The following CCDC34 variants were observed in gnomAD, a reference collection of about 807,000 sequenced individuals.
CCDC34 encodes coiled-coil domain containing 34.
CCDC34 carries 40 observed loss-of-function variants against 44.1 expected under a neutral mutation model. The observed-to-expected ratio is 0.91, with a 90% confidence interval of 0.70 to 1.18. CCDC34 has a LOEUF of 1.18. Ranked by LOEUF, CCDC34 falls within the 50% of genes most tolerant of loss-of-function variation. The pLI is 0.00. For missense variants in CCDC34, 466 were observed against 452.3 expected (o/e 1.03, Z -0.28); for synonymous variants, 159 against 158.2 (o/e 1.01, Z -0.04).
At chr11:27,350,884 A>G (rs776276522) in intron 2 of CCDC34, among the ~76,000 whole-genome samples, 3 of 152,220 alleles carry the variant, frequency 2.0e-5, no homozygotes, top group Non-Finnish European at 4.4e-5. Context: ...TCAGTTACAC[A>G]AAAGAAATAC....
chr11:27,349,525 T>C, intron 3 of CCDC34: 1 of 930,286 alleles, frequency 1.1e-6, no homozygotes, highest in Non-Finnish European at 1.3e-6. Flanking sequence ...TGTCCTACAA[T>C]TTAAACATTT....
At chr11:27,339,056 G>C in intron 5 of CCDC34, 21 bp from the exon 6 acceptor site, 1 of 1,566,910 alleles carries the variant, frequency 6.4e-7, no homozygotes, top group Non-Finnish European at 8.7e-7. Context: ...TGAAAAATCA[G>C]ATCAAAACAA....
intron 3 of CCDC34, among the ~76,000 whole-genome samples, chr11:27,347,490 C>T (rs1157261637): frequency 6.6e-6 from 1 of 151,990 alleles, no homozygotes; most frequent in Non-Finnish European, 1.5e-5. Context: ...AACAGATAAA[C>T]AATTTCTATG....
intron 3 of CCDC34, among the ~76,000 whole-genome samples, chr11:27,343,538 T>C (rs1187143954): frequency 3.9e-5 from 6 of 152,114 alleles, no homozygotes; most frequent in African/African-American, 1.4e-4. Context: ...ATTGGAACAA[T>C]ACTGGATTTT....
intron 1 of CCDC34, among the ~76,000 whole-genome samples, chr11:27,358,825 C>T (rs1862616228): frequency 6.6e-6 from 1 of 152,084 alleles, no homozygotes; most frequent in Admixed American, 6.5e-5. Flanking sequence ...CTACCATCCA[C>T]CCACCACCCT....
Position 27,362,908 on chromosome 11 carries a change from A to G in CCDC34, c.287T>C (p.Val96Ala), listed in dbSNP as rs1157957531. The change falls in exon 1 of 6, where the codon GTG (valine) becomes GCG (alanine). Residue 96 changes from valine to alanine, a missense_variant. Val to Ala is a moderately conservative substitution (Grantham distance 64). Transcript: ENST00000328697. ...DEEDVDDEEDVDEDAHDSEAK... is the reference protein window; with the variant it reads ...DEEDVDDEEDADEDAHDSEAK... Reference sequence around the variant, plus strand: ...CTCTGAATCATGGGCATCTTCATCCACGTCTTCCTCATCATCCACGTCTTC... The same window carrying G: ...CTCTGAATCATGGGCATCTTCATCCGCGTCTTCCTCATCATCCACGTCTTC... 6.3e-7 allele frequency: 1 copy of G among 1,591,998 alleles called. No homozygotes were observed. The highest frequency in any genetic ancestry group is 8.5e-7 in the Non-Finnish European group (1 of 1,175,040).
At chr11:27,340,669 T>C (rs1862342187) in intron 5 of CCDC34, 27 bp downstream of exon 5, 3 of 1,583,542 alleles carry the variant, frequency 1.9e-6, no homozygotes, top group Non-Finnish European at 2.6e-6. Flanking sequence ...ACCATATTTA[T>C]GTAAGCCACA....
At chr11:27,348,655 G>A (rs1862465877) in intron 3 of CCDC34, among the ~76,000 whole-genome samples, 1 of 152,068 alleles carries the variant, frequency 6.6e-6, no homozygotes, top group Non-Finnish European at 1.5e-5. Context: ...AATGAAGCTG[G>A]AGGCAGCTGA....
Position 27,341,324 on chromosome 11 carries a change from C to G in CCDC34, c.765+68G>C, listed in dbSNP as rs1862354724. 6 of 930,418 alleles carry G rather than the reference C, an allele frequency of 6.4e-6. No homozygotes were observed. In the South Asian group the frequency reaches 1.0e-4, roughly 16 times the overall value. 57.6% of individuals were successfully genotyped at this position (930,418 alleles called of 1,614,324 possible). Reference sequence around the variant, plus strand: ...GCCAATTTTCTATTAGATACTTTTTCTAAGATATAGTTGACACATATGAAC... The same window carrying G: ...GCCAATTTTCTATTAGATACTTTTTGTAAGATATAGTTGACACATATGAAC... On this transcript the variant is annotated intron_variant, in intron 4 of 5. Transcript: ENST00000328697.
chr11:27,361,697 G>A (rs999293609), intron 1 of CCDC34, among the ~76,000 whole-genome samples: 2 of 152,042 alleles, frequency 1.3e-5, no homozygotes, highest in African/African-American at 4.8e-5. Context: ...ATGTATACGG[G>A]TTACTTCATA....
In CCDC34 at chr11:27,341,435, T is replaced by A. The variant is rs1351480098; in HGVS notation, c.722A>T (p.Lys241Met). The A allele has an allele frequency of 6.8e-7, 1 of 1,467,152 alleles. No individual in the cohort carries two copies. The allele number at this position is 1,467,152 out of a possible 1,614,324, so 90.9% of individuals were successfully genotyped here. ...CTCACATTCTTCAGCATTTTTTTTCTTTAACCATTCTTGATATTTTTCTTT... is the reference window on the plus strand; with the variant it reads ...CTCACATTCTTCAGCATTTTTTTTCATTAACCATTCTTGATATTTTTCTTT... The part of the protein sequence containing the change: ...KAKEKYQEWL[K>M]KKNAEECERK... Residue 241 changes from lysine (K) to methionine (M), a missense_variant, in exon 4 of 6, where the codon AAG becomes ATG. Transcript: ENST00000328697.
intron 2 of CCDC34, among the ~76,000 whole-genome samples, chr11:27,351,681 C>G (rs1862504654): frequency 6.6e-6 from 1 of 152,122 alleles, no homozygotes; most frequent in Admixed American, 6.5e-5. Flanking sequence ...ATCTGATTTT[C>G]TATACACTAA....
chr11:27,348,601 T>C lies in CCDC34; in HGVS notation c.606+1731A>G, dbSNP rs1590326024. ...TGATTTTTTGATAAAACACAGTGAA[T>C]ATGACTTAGAGAAAATAGCAGCCAC... On this transcript the variant is annotated intron_variant, in intron 3 of 5. Transcript: ENST00000328697. Among the ~76,000 whole-genome samples, 3 of 152,226 alleles carry C rather than the reference T, an allele frequency of 2.0e-5. No individual in the cohort carries two copies. In the Middle Eastern group the frequency reaches 0.01, roughly 518 times the overall value.
chr11:27,362,843 A>T lies in CCDC34; in HGVS notation c.352T>A (p.Cys118Ser). ...GGGCGGCCTCGGGTTTACCTGGCGCACCCCTGTAACTCCATTCCTCTCAGG... is the reference window on the plus strand; with the variant it reads ...GGGCGGCCTCGGGTTTACCTGGCGCTCCCCTGTAACTCCATTCCTCTCAGG... ...ASLRGMELQG[C>S]ASTQVESENN... The change falls in exon 1 of 6, where the codon TGC (cysteine) becomes AGC (serine). Residue 118 changes from cysteine (C) to serine (S), a missense_variant. Physicochemically the swap from Cys to Ser is moderately radical, Grantham distance 112. Transcript: ENST00000328697. 6.2e-7 allele frequency: 1 copy of T among 1,613,176 alleles called. No homozygotes were observed. Among genetic ancestry groups the T allele is most frequent in the Non-Finnish European group, 8.5e-7 (1 of 1,179,282 alleles).
At chr11:27,351,831 GA>G (rs1381321428) in intron 2 of CCDC34, among the ~76,000 whole-genome samples, 1 of 152,200 alleles carries the variant, frequency 6.6e-6, no homozygotes, top group Non-Finnish European at 1.5e-5. Flanking sequence ...AAGGAACAGT[GA>G]AAAGATGGCT....
chr11:27,357,160 C>A (rs1862590326), intron 2 of CCDC34, among the ~76,000 whole-genome samples: 1 of 152,078 alleles, frequency 6.6e-6, no homozygotes, highest in African/African-American at 2.4e-5. Flanking sequence ...TGATTATCTT[C>A]AGACAGTGAA....
intron 3 of CCDC34, among the ~76,000 whole-genome samples, chr11:27,343,114 G>T (rs1249462247): frequency 1.3e-5 from 2 of 152,122 alleles, no homozygotes; most frequent in African/African-American, 4.8e-5. Flanking sequence ...AAAAATCAAA[G>T]CTCAGGATGG....
intron 2 of CCDC34, among the ~76,000 whole-genome samples, chr11:27,354,078 G>A (rs1255885965): frequency 3.9e-5 from 6 of 152,238 alleles, no homozygotes; most frequent in South Asian, 2.1e-4. Context: ...AAAAGGCAGT[G>A]AAAGAATGTG....
At chr11:27,349,320 AC>A in intron 3 of CCDC34, 4 of 906,586 alleles carry the variant, frequency 4.4e-6, no homozygotes, top group South Asian at 5.1e-5. Flanking sequence ...TTTTAAAAAA[AC>A]AAAGTAATTG....
Sources: gnomAD v4.1 joint callset for allele counts (sites outside exome capture counted in the v4.1 genomes callset) on GRCh38, gnomAD v4.1.1 for gene constraint, MANE v1.5 for transcripts, NCBI Gene and HGNC (gene_info 2026-07-23, HGNC 2026-07-21) for gene names.